LIMCH1: variants seen among roughly 807,000 people sequenced by gnomAD.
The protein encoded by LIMCH1 is LIM and calponin homology domains-containing protein 1.
LIMCH1 carries 113 observed loss-of-function variants against 176.5 expected under a neutral mutation model. The ratio of observed to expected loss-of-function variants is 0.64; its 90% confidence interval spans 0.55 to 0.75. The LOEUF is 0.75. LIMCH1 is among the 30% of genes least tolerant of loss of function. LIMCH1 has a pLI of 0.00. For synonymous variants in LIMCH1, 619 were observed against 645.9 expected (o/e 0.96, Z 0.63); for missense variants, 1,674 against 1,814.9 (o/e 0.92, Z 1.41).
At chr4:41,581,529 G>T (rs1395801679) in intron 1 of LIMCH1, among the ~76,000 whole-genome samples, 1 of 152,002 alleles carries the variant, frequency 6.6e-6, no homozygotes, top group South Asian at 2.1e-4. Context: ...AGTGACAGCC[G>T]GGCGCAGTGG....
chr4:41,646,804 A>G lies in LIMCH1; in HGVS notation c.2731A>G (p.Lys911Glu), dbSNP rs1472315977. Reference sequence around the variant, plus strand: ...GTCAGCAGGCAGTGGGTCTCCAAGCAAAACTGTCACTCCCAAAGCAGTGCC... The same window carrying G: ...GTCAGCAGGCAGTGGGTCTCCAAGCGAAACTGTCACTCCCAAAGCAGTGCC... ...SMSAGSGSPSKTVTPKAVPML... is the reference protein window; with the variant it reads ...SMSAGSGSPSETVTPKAVPML... The change falls in exon 17 of 32, where the codon AAA becomes GAA. Residue 911 changes from lysine (K) to glutamate (E), a missense_variant. By Grantham distance (56) the Lys-to-Glu change is moderately conservative. Coordinates refer to ENST00000503057, the MANE Select transcript of LIMCH1 (RefSeq NM_001330672.2). The G allele has an allele frequency of 1.2e-6, 2 of 1,614,194 alleles. No homozygotes were observed. The highest frequency in any genetic ancestry group is 1.3e-5 in the African/African-American group (1 of 75,060).
At chr4:41,650,847 T>A (rs1236585845) in intron 18 of LIMCH1, among the ~76,000 whole-genome samples, 1 of 152,120 alleles carries the variant, frequency 6.6e-6, no homozygotes, top group Non-Finnish European at 1.5e-5. Flanking sequence ...CCATTGGTCA[T>A]GAGAGAGCAT....
intron 1 of LIMCH1, among the ~76,000 whole-genome samples, chr4:41,544,422 A>G (rs1238688357): frequency 6.6e-6 from 1 of 152,178 alleles, no homozygotes; most frequent in Non-Finnish European, 1.5e-5. Context: ...CTTGAAGAAA[A>G]TGTAGCTGTC....
intron 2 of LIMCH1, among the ~76,000 whole-genome samples, chr4:41,511,527 A>G (rs539243679): frequency 6.6e-6 from 1 of 152,324 alleles, no homozygotes; most frequent in Non-Finnish European, 1.5e-5. Context: ...TGTCTCACAC[A>G]TGGCACTACT....
intron 5 of LIMCH1, among the ~76,000 whole-genome samples, chr4:41,617,463 G>A (rs944171413): frequency 1.3e-5 from 2 of 152,150 alleles, no homozygotes; most frequent in African/African-American, 4.8e-5. Context: ...TAGCAAGGTA[G>A]GGTAATGTTT....
intron 3 of LIMCH1, chr4:41,524,546 C>A: frequency 8.9e-7 from 1 of 1,118,314 alleles, no homozygotes; most frequent in Non-Finnish European, 1.4e-6. Flanking sequence ...CATGACAGCA[C>A]CATTTATTAC....
rs1475082376 is a variant in LIMCH1, at chr4:41,631,211, C to T, written c.1335C>T (p.Ala445=). ...EPSPEIKAET[A]IRDDFANRKA... ...CCCCAGAAATTAAAGCAGAAACTGC[C>T]ATTCGTGATGACTTTGCCAACCGCA... The change falls in exon 10 of 32, where the codon GCC becomes GCT. Residue 445 remains alanine, a synonymous_variant. Transcript: ENST00000503057. 2 of 1,536,052 alleles carry T rather than the reference C, an allele frequency of 1.3e-6. No individual in the cohort carries two copies. Among genetic ancestry groups the T allele is most frequent in the South Asian group, 1.2e-5 (1 of 84,048 alleles).
chr4:41,620,786 A>G, intron 7 of LIMCH1, 96 bp downstream of exon 7: 2 of 1,356,570 alleles, frequency 1.5e-6, no homozygotes, highest in Admixed American at 5.4e-5. Context: ...TGATTTTTCC[A>G]CTTCCCGCTT....
chr4:41,637,818 TTTCTCTAAGA>T (rs1190068445), intron 13 of LIMCH1, among the ~76,000 whole-genome samples: 1 of 152,190 alleles, frequency 6.6e-6, no homozygotes, highest in Non-Finnish European at 1.5e-5. Flanking sequence ...TCTGGGGTGT[TTTCTCTAAGA>T]TTCTCTAAGA....
chr4:41,586,061 C>A (rs1221621975), intron 1 of LIMCH1, among the ~76,000 whole-genome samples: 1 of 142,248 alleles, frequency 7.0e-6, no homozygotes, highest in Non-Finnish European at 1.5e-5. Context: ...CTTTCCCTCC[C>A]CTCCCCTCCG....
At chr4:41,682,892 G>T (rs765889362) in intron 26 of LIMCH1, among the ~76,000 whole-genome samples, 2 of 152,020 alleles carry the variant, frequency 1.3e-5, no homozygotes, top group Non-Finnish European at 2.9e-5. Flanking sequence ...GGTCAGGCTG[G>T]TCTCGAACTC....
intron 1 of LIMCH1, among the ~76,000 whole-genome samples, chr4:41,479,409 A>G (rs1353512430): frequency 6.6e-6 from 1 of 151,964 alleles, no homozygotes; most frequent in African/African-American, 2.4e-5. Context: ...GTACCACCAC[A>G]CCCGGCCAAA....
chr4:41,660,952 C>A (rs2094596715), intron 18 of LIMCH1, among the ~76,000 whole-genome samples: 1 of 152,122 alleles, frequency 6.6e-6, no homozygotes, highest in African/African-American at 2.4e-5. Context: ...TAGAGATTCA[C>A]TGGGAGCCCA....
chr4:41,392,167 C>T (rs2057322422), intron 1 of LIMCH1, among the ~76,000 whole-genome samples: 1 of 152,062 alleles, frequency 6.6e-6, no homozygotes, highest in Non-Finnish European at 1.5e-5. Flanking sequence ...GCTGGTAATA[C>T]AGCAGTGAGA....
chr4:41,537,783 T>C (rs1346785120), upstream of LIMCH1, among the ~76,000 whole-genome samples: 1 of 152,182 alleles, frequency 6.6e-6, no homozygotes, highest in Non-Finnish European at 1.5e-5. Context: ...ATTAGGATGG[T>C]CTTAGAATCC....
At chr4:41,532,481 C>T (rs1231090260) in intron 3 of LIMCH1, among the ~76,000 whole-genome samples, 1 of 152,198 alleles carries the variant, frequency 6.6e-6, no homozygotes, top group Non-Finnish European at 1.5e-5. Context: ...ATTTATCTCT[C>T]ACTTTGTACA....
At chr4:41,382,261 C>G (rs17628132) in intron 1 of LIMCH1, among the ~76,000 whole-genome samples, 7,413 of 152,056 alleles carry the variant, frequency 0.049, 355 homozygotes, top group East Asian at 0.12. Context: ...TGGGTGGGAA[C>G]TTGACAAGTA....
chr4:41,376,919 A>C lies in LIMCH1; in HGVS notation c.96+15983A>C, dbSNP rs1319757097. ...TATGCAGTACTTAGTGAAAAACTAA[A>C]ATTTTTTTAATTATAAAAGGGTGAA... On this transcript the variant is annotated intron_variant, in intron 1 of 26. Transcript: ENST00000313860. 3.3e-5 allele frequency among the ~76,000 whole-genome samples: 5 copies of C among 152,188 alleles called. No homozygotes were observed. The East Asian group carries it at 7.7e-4, about 23-fold the overall frequency.
At chr4:41,501,689 A>T (rs969620263) in intron 2 of LIMCH1, among the ~76,000 whole-genome samples, 4 of 152,072 alleles carry the variant, frequency 2.6e-5, no homozygotes, top group African/African-American at 7.2e-5. Flanking sequence ...ACTGGAAAAT[A>T]CCCTTTTCCT....
Sources: allele counts gnomAD v4.1 joint callset (sites outside exome capture counted in the v4.1 genomes callset), GRCh38; gene constraint gnomAD v4.1.1; transcripts MANE v1.5; gene names NCBI Gene and HGNC (gene_info 2026-07-23, HGNC 2026-07-21).